ALK: variants seen among roughly 807,000 people sequenced by gnomAD.
ALK encodes the protein ALK tyrosine kinase receptor.
ALK carries 74 observed loss-of-function variants against 163.1 expected under a neutral mutation model. The ratio of observed to expected loss-of-function variants is 0.45; its 90% confidence interval spans 0.38 to 0.55. ALK has a LOEUF of 0.55. Ranked by LOEUF, ALK falls within the 20% of genes least tolerant of loss-of-function variation. The pLI, the probability that ALK is intolerant of heterozygous loss-of-function variation, is 0.00. For synonymous variants in ALK, 960 were observed against 843.2 expected, an observed-to-expected ratio of 1.14 and a Z score of -2.40; for missense variants, 2,063 against 2,105.3, an observed-to-expected ratio of 0.98 and a Z score of 0.39.
At chr2:29,509,814 G>A (rs748168250) in intron 4 of ALK, among the ~76,000 whole-genome samples, 3 of 152,214 alleles carry the variant, frequency 2.0e-5, no homozygotes, top group Middle Eastern at 3.2e-3. Context: ...ATAAAGGTAG[G>A]GTTGGGGAGA....
chr2:29,667,261 G>C (rs1179001288), intron 3 of ALK, among the ~76,000 whole-genome samples: 2 of 151,962 alleles, frequency 1.3e-5, no homozygotes, highest in African/African-American at 4.8e-5. Context: ...ACTTCTTACT[G>C]TTCTCCATAG....
rs572936891 is a variant in ALK, at chr2:29,661,252, A to G, written c.952+33598T>C. Among the ~76,000 whole-genome samples the G allele has an allele frequency of 5.9e-5, 9 of 152,340 alleles. No homozygotes were observed. The East Asian group carries it at 1.7e-3, about 29-fold the overall frequency. On this transcript the variant is annotated intron_variant, in intron 3 of 28. Coordinates refer to ENST00000389048, the MANE Select transcript of ALK (RefSeq NM_004304.5). ...TCATGCAGCTACAGGAAGCAGAGTC[A>G]GACGGGTCTGACTTCACTGTCTCCA...
chr2:29,656,033 T>C (rs1677174887), intron 3 of ALK, among the ~76,000 whole-genome samples: 1 of 152,164 alleles, frequency 6.6e-6, no homozygotes, highest in Admixed American at 6.6e-5. Context: ...TATGTATATA[T>C]ACAAGTTTAA....
chr2:29,509,416 G>A (rs1672446733), intron 4 of ALK, among the ~76,000 whole-genome samples: 1 of 152,156 alleles, frequency 6.6e-6, no homozygotes, highest in South Asian at 2.1e-4. Flanking sequence ...ATCAGCGAAA[G>A]CTTTCTGTAC....
intron 3 of ALK, among the ~76,000 whole-genome samples, chr2:29,655,347 T>C (rs1050494612): frequency 6.6e-6 from 1 of 152,178 alleles, no homozygotes; most frequent in Non-Finnish European, 1.5e-5. Flanking sequence ...TTTATAATTT[T>C]GGGAAGATGT....
chr2:29,918,246 T>C (rs1280325647), intron 1 of ALK, among the ~76,000 whole-genome samples: 1 of 152,214 alleles, frequency 6.6e-6, no homozygotes, highest in Middle Eastern at 3.2e-3. Context: ...GACTGCTGGA[T>C]TCTATGGTCA....
At chr2:29,561,736 GT>G (rs1260945070) in intron 3 of ALK, among the ~76,000 whole-genome samples, 1 of 152,154 alleles carries the variant, frequency 6.6e-6, no homozygotes, top group Non-Finnish European at 1.5e-5. Context: ...CATACGATAT[GT>G]TTAGAGGAGC....
chr2:29,315,388 G>A (rs1170978822), intron 8 of ALK, among the ~76,000 whole-genome samples: 1 of 152,044 alleles, frequency 6.6e-6, no homozygotes, highest in Non-Finnish European at 1.5e-5. Context: ...TCTCCCACCC[G>A]CTTCTCTTCT....
chr2:29,330,580 G>A (rs1667408326), intron 5 of ALK, among the ~76,000 whole-genome samples: 1 of 152,218 alleles, frequency 6.6e-6, no homozygotes, highest in Non-Finnish European at 1.5e-5. Flanking sequence ...CGGAATAGCA[G>A]ACCCCCAAAT....
chr2:29,733,300 T>C (rs1679798937), intron 1 of ALK, among the ~76,000 whole-genome samples: 2 of 152,140 alleles, frequency 1.3e-5, no homozygotes, highest in South Asian at 4.1e-4. Context: ...ATGTCCTTGT[T>C]TAATAGAGAT....
At chr2:29,915,342 T>C (rs547524300) in intron 1 of ALK, among the ~76,000 whole-genome samples, 1 of 152,320 alleles carries the variant, frequency 6.6e-6, no homozygotes, top group East Asian at 1.9e-4. Flanking sequence ...CAAGCAACTC[T>C]CCTGAGTAGC....
At chr2:29,639,617 C>T (rs186675104) in intron 3 of ALK, among the ~76,000 whole-genome samples, 27 of 152,180 alleles carry the variant, frequency 1.8e-4, no homozygotes, top group African/African-American at 5.5e-4. Flanking sequence ...GCCAGGTGTG[C>T]GAGCTATAGG....
intron 1 of ALK, among the ~76,000 whole-genome samples, chr2:29,750,689 A>AGGCAGGC (rs1558471744): frequency 3.4e-5 from 4 of 116,922 alleles, no homozygotes; most frequent in African/African-American, 1.6e-4. Flanking sequence ...GGAAGGAAGG[A>AGGCAGGC]AGGAAGGAAG....
chr2:29,261,159 G>A (rs1665079029), intron 11 of ALK, among the ~76,000 whole-genome samples: 1 of 152,062 alleles, frequency 6.6e-6, no homozygotes, highest in Non-Finnish European at 1.5e-5. Flanking sequence ...ACTATCTCTT[G>A]GCTACTTAGG....
intron 11 of ALK, among the ~76,000 whole-genome samples, chr2:29,274,815 A>G (rs1459877088): frequency 1.3e-5 from 2 of 152,110 alleles, no homozygotes; most frequent in Non-Finnish European, 2.9e-5. Context: ...AGAGTTGGGG[A>G]AAAAAATGCC....
chr2:29,717,807 A>G (rs1008133273), intron 1 of ALK, 110 bp from the exon 2 acceptor site: 5 of 1,459,148 alleles, frequency 3.4e-6, no homozygotes, highest in East Asian at 2.3e-5. Flanking sequence ...CATGACATCC[A>G]TCGGGAAGAT....
intron 9 of ALK, among the ~76,000 whole-genome samples, chr2:29,291,493 G>C (rs1007218322): frequency 2.0e-5 from 3 of 152,090 alleles, no homozygotes; most frequent in Non-Finnish European, 2.9e-5. Context: ...AAAGTTTAAG[G>C]GAAAATTATT....
At chr2:29,345,210 A>C (rs1294324447) in intron 5 of ALK, among the ~76,000 whole-genome samples, 1 of 152,004 alleles carries the variant, frequency 6.6e-6, no homozygotes, top group Non-Finnish European at 1.5e-5. Context: ...CCTGGGCAAC[A>C]TAGTAAAACC....
chr2:29,496,637 T>C (rs1672032197), intron 4 of ALK, among the ~76,000 whole-genome samples: 1 of 152,212 alleles, frequency 6.6e-6, no homozygotes, highest in African/African-American at 2.4e-5. Context: ...AAAGCAATCA[T>C]ATATAAGTTT....
Sources: gnomAD v4.1 joint callset for allele counts (sites outside exome capture counted in the v4.1 genomes callset) on GRCh38, gnomAD v4.1.1 for gene constraint, MANE v1.5 for transcripts, NCBI Gene and HGNC (gene_info 2026-07-23, HGNC 2026-07-21) for gene names.